Variants in GALK2 observed in about 807,000 individuals in gnomAD.
GALK2 encodes N-acetylgalactosamine kinase.
Under a neutral mutation model 52.4 loss-of-function variants are expected in GALK2, and 36 were observed. The observed-to-expected ratio is 0.69, with a 90% CI of 0.53 to 0.91. The LOEUF is 0.91. Ranked by LOEUF, GALK2 falls within the 40% of genes least tolerant of loss-of-function variation. The pLI is 0.00. For synonymous variants in GALK2, 176 were observed against 199.1 expected (o/e 0.88, Z 0.98); for missense variants, 579 against 559.1 (o/e 1.04, Z -0.36).
intron 5 of GALK2, among the ~76,000 whole-genome samples, chr15:49,274,473 C>G (rs905555425): frequency 5.3e-5 from 8 of 152,150 alleles, no homozygotes; most frequent in African/African-American, 1.9e-4. Context: ...CTGGGTGAGT[C>G]TGTGAGTGGT....
At chr15:49,363,655 A>T (rs1320060525) in intron 3 of GALK2, among the ~76,000 whole-genome samples, 1 of 152,132 alleles carries the variant, frequency 6.6e-6, no homozygotes, top group African/African-American at 2.4e-5. Context: ...GACTTCCAAT[A>T]CTATGTTGAA....
intron 4 of GALK2, 49 bp downstream of exon 4, chr15:49,235,990 A>T (rs200276496): frequency 1.9e-6 from 2 of 1,028,090 alleles, no homozygotes; most frequent in East Asian, 4.7e-5. Flanking sequence ...TATCATGTGT[A>T]TTCTGTCAGA....
intron 5 of GALK2, among the ~76,000 whole-genome samples, chr15:49,266,328 A>C (rs897823274): frequency 6.6e-6 from 1 of 152,098 alleles, no homozygotes; most frequent in Non-Finnish European, 1.5e-5. Context: ...GGAGAAACAG[A>C]TTTCATCTTT....
At chr15:49,159,477 G>A (rs578206989) in intron 1 of GALK2, among the ~76,000 whole-genome samples, 1 of 151,584 alleles carries the variant, frequency 6.6e-6, no homozygotes, top group South Asian at 2.1e-4. Context: ...GCTGGAGGCT[G>A]AGGCAGGAGA....
At position 49,175,026 on chromosome 15, in the gene GALK2, T is replaced by A. The variant is rs200740602; in HGVS notation, c.53+4651T>A. Among the ~76,000 whole-genome samples the A allele has an allele frequency of 1.2e-4, 18 of 152,254 alleles. No individual in the cohort carries two copies. The East Asian group carries it at 3.1e-3, about 26-fold the overall frequency. On this transcript the variant is annotated intron_variant, in intron 1 of 9. Transcript: ENST00000560031. ...GCCCCACAGAGTCTGTCTTATACAA[T>A]AGAGTCATACATATTCAGTAGGTTT... is the stretch of plus-strand genomic sequence containing the variant.
chr15:49,313,198 G>C (rs1448661415), intron 8 of GALK2, among the ~76,000 whole-genome samples: 1 of 152,178 alleles, frequency 6.6e-6, no homozygotes, highest in Non-Finnish European at 1.5e-5. Context: ...AGACCTTCCA[G>C]TTTTCCAAAA....
In GALK2 at chr15:49,235,920, A is replaced by C. The variant is rs546498438; in HGVS notation, c.336A>C (p.Leu112Phe). ...AGCCTTTGTGGCACAACTATTTCTT[A>C]TGTGGACTTAAAGGAATTCAGGTAA... The part of the protein sequence containing the change: ...KTKPLWHNYF[L>F]CGLKGIQEHF... The change falls in exon 4 of 10, where the codon TTA becomes TTC. Residue 112 changes from leucine (L) to phenylalanine (F), a missense_variant. Physicochemically the swap from Leu to Phe is conservative, Grantham distance 22 (BLOSUM62 0). Transcript: ENST00000560031. The C allele has an allele frequency of 3.7e-6, 6 of 1,611,698 alleles. No individual in the cohort carries two copies. The South Asian group carries it at 5.5e-5, about 15-fold the overall frequency.
intron 5 of GALK2, among the ~76,000 whole-genome samples, chr15:49,256,589 A>G (rs576318046): frequency 6.6e-6 from 1 of 152,266 alleles, no homozygotes; most frequent in South Asian, 2.1e-4. Context: ...CTGGTACTGA[A>G]CCATTCACGT....
intron 1 of GALK2, chr15:49,158,826 T>A (rs922350246): frequency 1.1e-5 from 1 of 94,644 alleles, no homozygotes; most frequent in Non-Finnish European, 2.3e-5. Flanking sequence ...TAGGTCAATA[T>A]TTGGTTGTTT....
chr15:49,159,657 G>C (rs2084583404), intron 1 of GALK2, among the ~76,000 whole-genome samples: 1 of 151,564 alleles, frequency 6.6e-6, no homozygotes, highest in Non-Finnish European at 1.5e-5. Flanking sequence ...GTAATTACTT[G>C]AATTGACACC....
chr15:49,294,773 A>C (rs566518480), intron 8 of GALK2, among the ~76,000 whole-genome samples: 1 of 152,280 alleles, frequency 6.6e-6, no homozygotes, highest in East Asian at 1.9e-4. Flanking sequence ...GAACCCTAAG[A>C]GTATGGAGGG....
intron 3 of GALK2, among the ~76,000 whole-genome samples, chr15:49,364,862 T>C (rs1456300156): frequency 2.0e-5 from 3 of 152,112 alleles, no homozygotes; most frequent in East Asian, 1.9e-4. Context: ...ATTTTTTTTT[T>C]TAAGAAAAAT....
upstream of GALK2, among the ~76,000 whole-genome samples, chr15:49,169,339 G>A (rs1280640571): frequency 6.6e-6 from 1 of 151,846 alleles, no homozygotes; most frequent in Non-Finnish European, 1.5e-5. Context: ...TTTCTGAGGT[G>A]CAAAGTGCAC....
At chr15:49,355,162 A>G (rs2042922782) in intron 3 of GALK2, among the ~76,000 whole-genome samples, 1 of 152,066 alleles carries the variant, frequency 6.6e-6, no homozygotes, top group South Asian at 2.1e-4. Context: ...GAAAAACTGG[A>G]AACTCTAAAA....
At chr15:49,180,679 C>T (rs923804643) in intron 1 of GALK2, among the ~76,000 whole-genome samples, 2 of 152,230 alleles carry the variant, frequency 1.3e-5, no homozygotes, top group Non-Finnish European at 2.9e-5. Context: ...CCAACCTCCT[C>T]CCCTCCTTTT....
intron 1 of GALK2, among the ~76,000 whole-genome samples, chr15:49,159,507 C>T (rs1457530663): frequency 2.0e-5 from 3 of 148,962 alleles, no homozygotes; most frequent in African/African-American, 7.5e-5. Context: ...ACCAGGGAGG[C>T]AGAGGTTGCA....
chr15:49,303,751 G>C (rs2035311595), intron 8 of GALK2, among the ~76,000 whole-genome samples: 1 of 152,066 alleles, frequency 6.6e-6, no homozygotes, highest in South Asian at 2.1e-4. Context: ...CTTTGTTTCT[G>C]ACCCTGTAGT....
chr15:49,261,103 G>C (rs1394107370), intron 5 of GALK2, among the ~76,000 whole-genome samples: 1 of 150,722 alleles, frequency 6.6e-6, no homozygotes, highest in African/African-American at 2.4e-5. Context: ...ATTCTGTGAA[G>C]AAAGTCATTG....
chr15:49,328,318 T>C lies in GALK2; in HGVS notation c.*159T>C. ...CAAAGAAATGGTTGAAAGCTCTCTA[T>C]GCTTCATAATGATTCTTTTTCCATC... On this transcript the variant is annotated 3_prime_UTR_variant, in exon 10 of 10. Transcript: ENST00000560031. 7.0e-7 allele frequency: 1 copy of C among 1,433,684 alleles called. No individual in the cohort carries two copies. Among genetic ancestry groups the C allele is most frequent in the East Asian group, 2.5e-5 (1 of 39,990 alleles). 88.8% of individuals were successfully genotyped at this position (1,433,684 alleles called of 1,614,324 possible).
Sources: allele counts gnomAD v4.1 joint callset (sites outside exome capture counted in the v4.1 genomes callset), GRCh38; gene constraint gnomAD v4.1.1; transcripts MANE v1.5; gene names NCBI Gene and HGNC (gene_info 2026-07-23, HGNC 2026-07-21).